The following IL23R variants were observed in gnomAD, a reference collection of about 807,000 sequenced individuals.
IL23R encodes the protein interleukin-23 receptor.
IL23R carries 34 observed loss-of-function variants against 56.9 expected under a neutral mutation model. The ratio of observed to expected loss-of-function variants is 0.60; its 90% CI spans 0.45 to 0.80. The LOEUF (loss-of-function observed/expected upper bound fraction) is 0.80, where lower values mean the gene tolerates loss of function less well. Among genes scored for constraint, IL23R ranks in the 30% least tolerant of loss-of-function variants. IL23R has a pLI of 0.00. For missense variants in IL23R, 635 were observed against 730.0 expected, an observed-to-expected ratio of 0.87 and a Z score of 1.50; for synonymous variants, 230 against 249.2, an observed-to-expected ratio of 0.92 and a Z score of 0.73.
chr1:67,194,512 C>T (rs1341431825), intron 4 of IL23R, among the ~76,000 whole-genome samples: 1 of 152,052 alleles, frequency 6.6e-6, no homozygotes, highest in African/African-American at 2.4e-5. Flanking sequence ...TAAAAATAAC[C>T]CTAAGGTGTA....
intron 3 of IL23R, among the ~76,000 whole-genome samples, chr1:67,182,275 G>A (rs1431777993): frequency 1.3e-5 from 2 of 152,214 alleles, no homozygotes; most frequent in African/African-American, 2.4e-5. Flanking sequence ...GAGCTGCAGT[G>A]GGCTCCACCC....
chr1:67,255,911 T>C lies in IL23R; in HGVS notation c.1223T>C (p.Val408Ala), dbSNP rs1484438152. 6.3e-7 allele frequency: 1 copy of C among 1,597,800 alleles called. No individual in the cohort carries two copies. Among genetic ancestry groups the C allele is most frequent in the Non-Finnish European group, 8.6e-7 (1 of 1,165,506 alleles). ...EDIPNMKNSN[V>A]VKMLQENSEL... ...ATTCCTAATATGAAAAACAGCAATG[T>C]TGTGAAAATGCTACAGGTAACCTAA... is the stretch of plus-strand genomic sequence containing the variant. The change falls in exon 10 of 11, where the codon GTT becomes GCT. Residue 408 changes from valine to alanine, a missense_variant. Transcript: ENST00000347310.
At position 67,258,514 on chromosome 1, in the gene IL23R, C is replaced by T; in HGVS notation, c.1276C>T (p.Gln426Ter). 6.2e-7 allele frequency: 1 copy of T among 1,601,742 alleles called. No homozygotes were observed. The highest frequency in any genetic ancestry group is 8.5e-7 in the Non-Finnish European group (1 of 1,174,168). ...SELMNNNSSE[Q>*]VLYVDPMITE... ...ACTTATGAATAATAATTCCAGTGAGCAGGTCCTATATGTTGATCCCATGAT... is the reference window on the plus strand; with the variant it reads ...ACTTATGAATAATAATTCCAGTGAGTAGGTCCTATATGTTGATCCCATGAT... The change falls in exon 11 of 11, where the codon CAG becomes TAG. Residue 426 changes from glutamine (Q) to a stop codon, truncating the protein, a stop_gained. Coordinates refer to ENST00000347310, the MANE Select transcript of IL23R (RefSeq NM_144701.3). LOFTEE classifies it low-confidence loss of function (END_TRUNC).
Position 67,219,703 on chromosome 1 carries a change from C to T in IL23R, c.928C>T (p.Leu310=), listed in dbSNP as rs777827669. ...GKRYWQPWSS[L]FFHKTPETVP... Reference sequence around the variant, plus strand: ...AAGGTACTGGCAGCCTTGGAGTTCACTGTTTTTTCATAAAACACCTGAAAC... The same window carrying T: ...AAGGTACTGGCAGCCTTGGAGTTCATTGTTTTTTCATAAAACACCTGAAAC... Residue 310 remains leucine (L), a synonymous_variant, in exon 7 of 11, where the codon CTG becomes TTG. Transcript: ENST00000347310. 4 of 1,613,946 alleles carry T rather than the reference C, an allele frequency of 2.5e-6. No individual in the cohort carries two copies. The highest frequency in any genetic ancestry group is 4.5e-5 in the East Asian group (2 of 44,862).
intron 6 of IL23R, 168 bp downstream of exon 6, chr1:67,207,223 A>C (rs1338685268): frequency 1.3e-6 from 1 of 797,204 alleles, no homozygotes; most frequent in Non-Finnish European, 2.1e-6. Flanking sequence ...CTTTTATTTT[A>C]GATTCGGGGG....
At chr1:67,171,460 A>T (rs1646942901) in intron 3 of IL23R, among the ~76,000 whole-genome samples, 1 of 152,166 alleles carries the variant, frequency 6.6e-6, no homozygotes, top group Non-Finnish European at 1.5e-5. Flanking sequence ...TTTTGGCTCT[A>T]CTATTCTAAC....
chr1:67,188,065 AT>A (rs1310724464), intron 4 of IL23R, among the ~76,000 whole-genome samples: 12 of 152,224 alleles, frequency 7.9e-5, no homozygotes, highest in Non-Finnish European at 7.3e-5. Context: ...AAACAAAAAA[AT>A]AAAAGAAAAA....
At chr1:67,216,126 A>T (rs1473902368) in intron 6 of IL23R, among the ~76,000 whole-genome samples, 2 of 152,142 alleles carry the variant, frequency 1.3e-5, no homozygotes, top group Non-Finnish European at 2.9e-5. Flanking sequence ...TTGAGCTCCC[A>T]GTTGCGAACG....
intron 7 of IL23R, among the ~76,000 whole-genome samples, chr1:67,230,512 C>T (rs1334891371): frequency 2.0e-5 from 3 of 151,052 alleles, no homozygotes; most frequent in Non-Finnish European, 4.4e-5. Flanking sequence ...AGGAAAATTT[C>T]CTGGGTGGCT....
intron 4 of IL23R, among the ~76,000 whole-genome samples, chr1:67,192,345 A>G (rs186700609): frequency 6.6e-6 from 1 of 152,324 alleles, no homozygotes; most frequent in East Asian, 1.9e-4. Flanking sequence ...TATCTCAGAC[A>G]TGTAAGCATG....
intron 7 of IL23R, among the ~76,000 whole-genome samples, chr1:67,236,279 C>T (rs1359626567): frequency 2.0e-5 from 3 of 152,212 alleles, no homozygotes; most frequent in Non-Finnish European, 4.4e-5. Flanking sequence ...AACAGCATCC[C>T]AAAGATTGTG....
intron 5 of IL23R, among the ~76,000 whole-genome samples, chr1:67,205,891 C>CTTT (rs1186003896): frequency 1.1e-4 from 14 of 122,794 alleles, no homozygotes; most frequent in Non-Finnish European, 1.8e-5. Flanking sequence ...TTCTTTCTTT[C>CTTT]TTTCTTTCTT....
intron 1 of IL23R, among the ~76,000 whole-genome samples, 152 bp from the exon 2 acceptor site, chr1:67,167,940 T>TTTCCTTCC (rs201705237): frequency 0.021 from 3,146 of 152,202 alleles, 99 homozygotes; most frequent in African/African-American, 0.072. Flanking sequence ...CTTTGCTCTG[T>TTTCCTTCC]TTCCTTCCTT....
chr1:67,210,088 C>A (rs1649350975), intron 6 of IL23R, among the ~76,000 whole-genome samples: 1 of 152,088 alleles, frequency 6.6e-6, no homozygotes, highest in South Asian at 2.1e-4. Flanking sequence ...ATATTTATTA[C>A]CAGTATAGGC....
intron 4 of IL23R, among the ~76,000 whole-genome samples, chr1:67,191,031 T>C (rs1353484922): frequency 6.6e-6 from 1 of 152,220 alleles, no homozygotes; most frequent in African/African-American, 2.4e-5. Flanking sequence ...TCCTCACTGA[T>C]TATGAGCCCA....
At chr1:67,196,788 T>C (rs887734240) in intron 4 of IL23R, among the ~76,000 whole-genome samples, 6 of 152,234 alleles carry the variant, frequency 3.9e-5, no homozygotes, top group Non-Finnish European at 8.8e-5. Context: ...AAAAAATGCT[T>C]AACCTTCTTT....
Position 67,200,587 on chromosome 1 carries a change from G to T in IL23R, c.492-150G>T, listed in dbSNP as rs558686724. 7.6e-4 allele frequency: 492 copies of T among 646,818 alleles called. 1 individual carries two copies. The African/African-American group carries it at 8.2e-3, about 11-fold the overall frequency. 40.1% of individuals were successfully genotyped at this position (646,818 alleles called of 1,614,324 possible). A position where few individuals can be genotyped will look rare whatever the true frequency, so the allele number is the denominator to read the frequency against. ...TTTAATAGAGACAGGGTTTCACCAT[G>T]TTGGCCAGGCTGGTCTCGAACTCCT... On this transcript the variant is annotated intron_variant, in intron 4 of 10. Coordinates refer to ENST00000347310, the MANE Select transcript of IL23R (RefSeq NM_144701.3).
chr1:67,177,805 A>C (rs1647031530), intron 3 of IL23R, among the ~76,000 whole-genome samples: 1 of 151,152 alleles, frequency 6.6e-6, no homozygotes, highest in Non-Finnish European at 1.5e-5. Context: ...ATAAGGTGCA[A>C]GGAAGGGATC....
At chr1:67,179,751 C>T (rs11848626) in intron 3 of IL23R, among the ~76,000 whole-genome samples, 1 of 151,968 alleles carries the variant, frequency 6.6e-6, no homozygotes, top group African/African-American at 2.4e-5. Context: ...CTCTTGTGGG[C>T]ATTTAGTGCT....
Sources: gnomAD v4.1 joint callset for allele counts (sites outside exome capture counted in the v4.1 genomes callset) on GRCh38, gnomAD v4.1.1 for gene constraint, MANE v1.5 for transcripts, NCBI Gene and HGNC (gene_info 2026-07-23, HGNC 2026-07-21) for gene names.